The following MTMR3 variants were observed in gnomAD, a reference collection of about 807,000 sequenced individuals.
The protein encoded by MTMR3 is phosphatidylinositol-3,5-bisphosphate 3-phosphatase MTMR3.
A neutral mutation model predicts 132.4 loss-of-function variants in MTMR3; 32 were observed. The observed-to-expected ratio is 0.24, with a 90% CI of 0.18 to 0.32. MTMR3 has a LOEUF of 0.32. Ranked by LOEUF, MTMR3 falls within the 10% of genes least tolerant of loss-of-function variation. The pLI, the probability that MTMR3 is intolerant of heterozygous loss-of-function variation, is 1.00. For missense variants in MTMR3, 1,216 were observed against 1,489.6 expected (o/e 0.82, Z 3.02); for synonymous variants, 556 against 550.3 (o/e 1.01, Z -0.14).
intron 1 of MTMR3, among the ~76,000 whole-genome samples, chr22:29,936,791 A>G (rs988594839): frequency 7.9e-5 from 12 of 152,094 alleles, no homozygotes; most frequent in African/African-American, 2.9e-4. Flanking sequence ...AATTCTCTGT[A>G]TTTTCTCATA....
Position 29,950,890 on chromosome 22 carries a change from C to T in MTMR3, c.-137-6146C>T, listed in dbSNP as rs145333213. Among the ~76,000 whole-genome samples, 20 of 137,692 alleles carry T rather than the reference C, an allele frequency of 1.5e-4. No homozygotes were observed. The East Asian group carries it at 3.5e-3, about 24-fold the overall frequency. The allele number at this position is 137,692 out of a possible 152,430, so 90.3% of individuals were successfully genotyped here. ...AAAGTGGGCCGGGCGCAGTGGCTTA[C>T]GCCTGTAATCCTAGCACGTTGGGAG... On this transcript the variant is annotated intron_variant, in intron 1 of 19. Transcript: ENST00000401950.
intron 1 of MTMR3, among the ~76,000 whole-genome samples, chr22:29,893,518 C>T (rs968943253): frequency 1.3e-5 from 2 of 152,190 alleles, no homozygotes; most frequent in African/African-American, 4.8e-5. Context: ...TGATTCCCCT[C>T]ACCTTTGTCA....
At chr22:29,999,057 TAA>T in intron 8 of MTMR3, 200 bp downstream of exon 8, 1 of 398,224 alleles carries the variant, frequency 2.5e-6, no homozygotes, top group South Asian at 3.6e-5. Flanking sequence ...GATCCTTACT[TAA>T]CAGGATCCTA....
At chr22:29,907,495 G>A (rs914122244) in intron 1 of MTMR3, among the ~76,000 whole-genome samples, 5 of 151,818 alleles carry the variant, frequency 3.3e-5, no homozygotes, top group African/African-American at 7.3e-5. Context: ...CCCCTTCACC[G>A]ATAGTTGATG....
intron 1 of MTMR3, among the ~76,000 whole-genome samples, chr22:29,947,490 AG>A (rs1284505395): frequency 6.8e-6 from 1 of 146,152 alleles, no homozygotes; most frequent in Non-Finnish European, 1.5e-5. Context: ...TAATTTAGCC[AG>A]TATGCTAAAT....
intron 1 of MTMR3, among the ~76,000 whole-genome samples, chr22:29,935,742 C>CTTT (rs35840801): frequency 3.2e-4 from 40 of 125,810 alleles, no homozygotes; most frequent in African/African-American, 5.7e-4. Flanking sequence ...TCCATGCCCA[C>CTTT]TTTTTTTTTT....
chr22:30,008,503 C>T lies in MTMR3; in HGVS notation c.1009+471C>T, dbSNP rs77597803. On this transcript the variant is annotated intron_variant, in intron 11 of 19. Transcript: ENST00000401950. Reference sequence around the variant, plus strand: ...AAGGTATCTCTGTCCTGAGCTGTAACACCATTACTGTTGGAATGCTAGCTT... The same window carrying T: ...AAGGTATCTCTGTCCTGAGCTGTAATACCATTACTGTTGGAATGCTAGCTT... 4.2e-3 allele frequency: 683 copies of T among 162,314 alleles called. 6 individuals carry two copies. The highest frequency in any genetic ancestry group is 0.015 in the African/African-American group (642 of 41,640). 10.1% of individuals were successfully genotyped at this position (162,314 alleles called of 1,614,324 possible).
chr22:29,969,502 C>T (rs986667594), intron 2 of MTMR3, among the ~76,000 whole-genome samples: 1 of 151,918 alleles, frequency 6.6e-6, no homozygotes, highest in African/African-American at 2.4e-5. Flanking sequence ...TGTTCTCTAC[C>T]CAACAGCCAA....
chr22:29,989,978 C>T (rs2066928757), intron 6 of MTMR3: 1 of 152,252 alleles, frequency 6.6e-6, no homozygotes, highest in African/African-American at 2.4e-5. Context: ...CGCCTGTAAT[C>T]CTAGCACTTT....
At chr22:29,898,118 A>C (rs2064938578) in intron 1 of MTMR3, among the ~76,000 whole-genome samples, 1 of 152,096 alleles carries the variant, frequency 6.6e-6, no homozygotes, top group Non-Finnish European at 1.5e-5. Flanking sequence ...TGGGATTACA[A>C]GTGTGAGCCA....
At chr22:29,942,465 T>A (rs1190982766) in intron 1 of MTMR3, among the ~76,000 whole-genome samples, 2 of 152,212 alleles carry the variant, frequency 1.3e-5, no homozygotes, top group Non-Finnish European at 2.9e-5. Context: ...GATAACATCT[T>A]ATCAGGAGAC....
At chr22:29,968,626 T>C (rs956294320) in intron 2 of MTMR3, among the ~76,000 whole-genome samples, 1 of 152,192 alleles carries the variant, frequency 6.6e-6, no homozygotes, top group African/African-American at 2.4e-5. Context: ...TAATTTTCTT[T>C]GCAGCAGTTG....
At chr22:29,883,752 C>G (rs978145507) in intron 1 of MTMR3, among the ~76,000 whole-genome samples, 12 of 152,198 alleles carry the variant, frequency 7.9e-5, no homozygotes, top group Non-Finnish European at 1.6e-4. Flanking sequence ...CCCTTCGCCC[C>G]CTGCCGGGTC....
chr22:29,978,980 C>T lies in MTMR3; in HGVS notation c.138C>T (p.Gly46=), dbSNP rs2145885776. The change falls in exon 5 of 20, where the codon GGC becomes GGT. Residue 46 remains glycine (G), a synonymous_variant. Coordinates refer to ENST00000401950, the MANE Select transcript of MTMR3 (RefSeq NM_021090.4). ...ATGGAGAGAGCACAGAGTTTGTGGGCCGTGCCGAGGATGCCATCATTGCCC... is the reference window on the plus strand; with the variant it reads ...ATGGAGAGAGCACAGAGTTTGTGGGTCGTGCCGAGGATGCCATCATTGCCC... The part of the protein sequence containing the change: ...ELHGESTEFV[G]RAEDAIIALS... 1 of 1,613,818 alleles carries T rather than the reference C, an allele frequency of 6.2e-7. No homozygotes were observed. Among genetic ancestry groups the T allele is most frequent in the Non-Finnish European group, 8.5e-7 (1 of 1,179,842 alleles).
chr22:29,886,787 T>C (rs2064686257), intron 1 of MTMR3, among the ~76,000 whole-genome samples: 1 of 152,202 alleles, frequency 6.6e-6, no homozygotes, highest in African/African-American at 2.4e-5. Flanking sequence ...GCTTATGCTG[T>C]TGTAATTGGC....
At chr22:29,976,676 TCAATA>T (rs1266358545) in intron 3 of MTMR3, among the ~76,000 whole-genome samples, 2 of 152,146 alleles carry the variant, frequency 1.3e-5, no homozygotes, top group East Asian at 3.8e-4. Context: ...AGTATAGATG[TCAATA>T]CAGTGAAGAA....
rs770843170 is a variant in MTMR3 at position 30,017,999 on chromosome 22, A to G, written c.1747A>G (p.Thr583Ala). ...AGTGTACCTGCCCTGCCCATCCCCA[A>G]CCACCCCTGTGGACGACAGCTGTGC... ...SAVYLPCPSP[T>A]TPVDDSCAPY... Residue 583 changes from threonine (T) to alanine (A), a missense_variant, in exon 16 of 20, where the codon ACC (threonine) becomes GCC (alanine). Transcript: ENST00000401950. The G allele has an allele frequency of 5.4e-5, 87 of 1,613,222 alleles. No homozygotes were observed. Among genetic ancestry groups the G allele is most frequent in the Middle Eastern group, 3.3e-4 (2 of 6,084 alleles).
At chr22:29,969,279 G>C (rs936413784) in intron 2 of MTMR3, among the ~76,000 whole-genome samples, 1 of 152,138 alleles carries the variant, frequency 6.6e-6, no homozygotes, top group African/African-American at 2.4e-5. Context: ...CTTGCTTCCG[G>C]TTGCTGACAC....
chr22:29,976,217 A>G (rs1301609317), intron 3 of MTMR3, among the ~76,000 whole-genome samples: 1 of 151,810 alleles, frequency 6.6e-6, no homozygotes, highest in East Asian at 1.9e-4. Flanking sequence ...GTGGGAGATG[A>G]GAGGTTTTCC....
Sources: allele counts gnomAD v4.1 joint callset (sites outside exome capture counted in the v4.1 genomes callset), GRCh38; gene constraint gnomAD v4.1.1; transcripts MANE v1.5; gene names NCBI Gene and HGNC (gene_info 2026-07-23, HGNC 2026-07-21).